Variants in RLF observed in about 807,000 individuals in gnomAD.
RLF encodes RLF zinc finger, also known as zinc finger protein Rlf.
RLF carries 7 observed loss-of-function variants against 162.9 expected under a neutral mutation model. That is an observed-to-expected ratio of 0.04 (90% CI 0.02 to 0.08). The LOEUF (loss-of-function observed/expected upper bound fraction) is 0.08. Ranked by LOEUF, RLF falls within the 10% of genes least tolerant of loss-of-function variation. The pLI is 1.00. For missense variants in RLF, 1,664 were observed against 2,244.7 expected (o/e 0.74, Z 5.23); for synonymous variants, 782 against 791.5 (o/e 0.99, Z 0.20).
chr1:40,171,018 GTTT>G (rs1642236949), intron 1 of RLF, among the ~76,000 whole-genome samples: 2 of 100,306 alleles, frequency 2.0e-5, no homozygotes, highest in Admixed American at 9.0e-5. Context: ...GTTTTTGTTT[GTTT>G]GTTTGTTTGT....
chr1:40,197,973 T>C (rs190403342), intron 4 of RLF, among the ~76,000 whole-genome samples: 42 of 152,320 alleles, frequency 2.8e-4, no homozygotes, highest in African/African-American at 9.9e-4. Flanking sequence ...CCTGACATGA[T>C]CAGTAAAGAT....
chr1:40,169,586 G>A (rs543703241), intron 1 of RLF, among the ~76,000 whole-genome samples: 199 of 125,418 alleles, frequency 1.6e-3, no homozygotes, highest in Middle Eastern at 0.012. Context: ...ACTGCAGTCC[G>A]CAGTCCAGCC....
chr1:40,232,226 A>G (rs1441638941), intron 7 of RLF, among the ~76,000 whole-genome samples: 7 of 152,036 alleles, frequency 4.6e-5, no homozygotes, highest in Non-Finnish European at 1.0e-4. Flanking sequence ...TAAAAAAAAA[A>G]AAAAGAACAT....
chr1:40,179,032 G>T (rs1160281125), intron 1 of RLF, among the ~76,000 whole-genome samples: 2 of 150,950 alleles, frequency 1.3e-5, no homozygotes, highest in Admixed American at 6.6e-5. Context: ...ACAGCATTTC[G>T]CCGTGTTGGC....
intron 5 of RLF, among the ~76,000 whole-genome samples, 186 bp from the exon 6 acceptor site, chr1:40,222,387 TC>T (rs1643011930): frequency 6.6e-6 from 1 of 152,224 alleles, no homozygotes; most frequent in Non-Finnish European, 1.5e-5. Flanking sequence ...TAGTAGAACT[TC>T]CTTATAGTGT....
At chr1:40,166,447 A>G (rs1642166450) in intron 1 of RLF, among the ~76,000 whole-genome samples, 1 of 152,162 alleles carries the variant, frequency 6.6e-6, no homozygotes, top group Admixed American at 6.5e-5. Context: ...GCGATTCCTC[A>G]AGGATCTAGA....
In RLF at chr1:40,189,040, A is replaced by G. The variant is rs980502292; in HGVS notation, c.238-15A>G. ...TTATTTTTATTTGTAAATAATTTTTAATTTTATTTTGTAGACCTTATTGCA... is the reference window on the plus strand; with the variant it reads ...TTATTTTTATTTGTAAATAATTTTTGATTTTATTTTGTAGACCTTATTGCA... On this transcript the variant is annotated splice_polypyrimidine_tract_variant and intron_variant, in intron 1 of 7. Transcript: ENST00000372771. 6.8e-7 allele frequency: 1 copy of G among 1,474,534 alleles called. No individual in the cohort carries two copies. The highest frequency in any genetic ancestry group is 2.5e-5 in the East Asian group (1 of 40,120). The allele number at this position is 1,474,534 out of a possible 1,614,324, so 91.3% of individuals were successfully genotyped here.
In RLF at chr1:40,161,523, C is replaced by T. The variant is rs1468285245; in HGVS notation, c.124C>T (p.Pro42Ser). ...SMVRGHRPVSPAPGASGLRPC... is the reference protein window; with the variant it reads ...SMVRGHRPVSSAPGASGLRPC... ...GGTTCGGGGTCATCGCCCCGTATCT[C>T]CAGCGCCGGGAGCCTCGGGACTGCG... Residue 42 changes from proline (P) to serine (S), a missense_variant, in exon 1 of 8, where the codon CCA (proline) becomes TCA (serine). By Grantham distance (74) the Pro-to-Ser change is moderately conservative. This residue lies in a region of RLF where 134 missense variants were observed against 124.3 expected (regional missense o/e 1.08). Transcript: ENST00000372771. This position sits in a 1 kb window ranked among gnomAD's most constrained non-coding sequence, Gnocchi z 4.4. The T allele has an allele frequency of 1.2e-6, 2 of 1,606,340 alleles. No homozygotes were observed. The highest frequency in any genetic ancestry group is 1.7e-6 in the Non-Finnish European group (2 of 1,177,016).
intron 1 of RLF, among the ~76,000 whole-genome samples, chr1:40,164,681 T>G (rs937318684): frequency 2.2e-4 from 33 of 152,232 alleles, no homozygotes; most frequent in African/African-American, 7.2e-4. Context: ...CCAGGATTCC[T>G]TAAGTTTTAC....
chr1:40,222,610 A>G lies in RLF; in HGVS notation c.847A>G (p.Ile283Val), dbSNP rs1217664002. 1.2e-6 allele frequency: 2 copies of G among 1,613,636 alleles called. No individual in the cohort carries two copies. Among genetic ancestry groups the G allele is most frequent in the East Asian group, 2.2e-5 (1 of 44,812 alleles). The change falls in exon 6 of 8, where the codon ATT (isoleucine) becomes GTT (valine). Residue 283 changes from isoleucine to valine, a missense_variant. Coordinates refer to ENST00000372771, the MANE Select transcript of RLF (RefSeq NM_012421.4). ...KVDCKEVLDI[I>V]CNLESEGQDN... is the part of the protein sequence containing the mutation. ...CGACTGCAAGGAAGTACTAGACATC[A>G]TTTGTAATCTGGAATCTGAGGGGCA...
chr1:40,178,102 ATGAG>A (rs77465328), intron 1 of RLF, among the ~76,000 whole-genome samples: 7,837 of 151,760 alleles, frequency 0.052, 585 homozygotes, highest in African/African-American at 0.17. Flanking sequence ...ATAGATATAT[ATGAG>A]TGTTATATAA....
intron 4 of RLF, among the ~76,000 whole-genome samples, chr1:40,199,294 C>T (rs1642678380): frequency 6.6e-6 from 1 of 152,176 alleles, no homozygotes; most frequent in African/African-American, 2.4e-5. Flanking sequence ...CAAAGGCTAA[C>T]AAGACATGAT....
intron 1 of RLF, among the ~76,000 whole-genome samples, chr1:40,168,234 A>G (rs1642193011): frequency 6.6e-6 from 1 of 151,828 alleles, no homozygotes; most frequent in Non-Finnish European, 1.5e-5. Flanking sequence ...ATAAATAGAA[A>G]GATACTTTTT....
At chr1:40,210,587 A>G (rs1235524209) in intron 5 of RLF, among the ~76,000 whole-genome samples, 1 of 152,238 alleles carries the variant, frequency 6.6e-6, no homozygotes, top group Non-Finnish European at 1.5e-5. Flanking sequence ...GAAATTAAGA[A>G]GGCTTTGCAG....
chr1:40,191,574 G>A (rs562215758), intron 3 of RLF, among the ~76,000 whole-genome samples: 135 of 151,394 alleles, frequency 8.9e-4, no homozygotes, highest in African/African-American at 3.2e-3. Flanking sequence ...ATAATAGACC[G>A]GGCATGGTGG....
Position 40,240,403 on chromosome 1 carries a change from T to C in RLF, c.5701T>C (p.Phe1901Leu). The part of the protein sequence containing the change: ...SKFSTPILDL[F>L]PTKKTDELCV... ...GTTTTCCACACCAATTTTAGACTTA[T>C]TTCCAACAAAAAAGACAGATGAGCT... Residue 1901 changes from phenylalanine to leucine, a missense_variant, in exon 8 of 8, where the codon TTT becomes CTT. Phe to Leu is a conservative substitution (Grantham distance 22). Transcript: ENST00000372771. 6.2e-7 allele frequency: 1 copy of C among 1,613,342 alleles called. No individual in the cohort carries two copies.
chr1:40,168,261 GT>G (rs1260433165), intron 1 of RLF, among the ~76,000 whole-genome samples: 1 of 151,970 alleles, frequency 6.6e-6, no homozygotes, highest in Non-Finnish European at 1.5e-5. Context: ...TTGTTTGTTT[GT>G]TTTTGAGACA....
intron 5 of RLF, among the ~76,000 whole-genome samples, chr1:40,205,080 A>G (rs188672989): frequency 9.9e-5 from 15 of 152,196 alleles, no homozygotes; most frequent in Non-Finnish European, 1.9e-4. Flanking sequence ...CCTTTTCTCT[A>G]TTACATCATC....
At chr1:40,191,573 C>T (rs1194867708) in intron 3 of RLF, among the ~76,000 whole-genome samples, 2 of 151,696 alleles carry the variant, frequency 1.3e-5, no homozygotes, top group African/African-American at 2.4e-5. Flanking sequence ...AATAATAGAC[C>T]GGGCATGGTG....
Sources: allele counts gnomAD v4.1 joint callset (sites outside exome capture counted in the v4.1 genomes callset), GRCh38; gene constraint gnomAD v4.1.1; regional missense constraint gnomAD v4.1.1; non-coding constraint Gnocchi (gnomAD v3.1); transcripts MANE v1.5; gene names NCBI Gene and HGNC (gene_info 2026-07-23, HGNC 2026-07-21).